The following DHRSX variants were observed in gnomAD, a reference collection of about 807,000 sequenced individuals.
DHRSX encodes polyprenol dehydrogenase.
In DHRSX, 31 loss-of-function variants were observed where a neutral mutation model predicts 34.0. The observed-to-expected ratio is 0.91, with a 90% CI of 0.69 to 1.23. The LOEUF (loss-of-function observed/expected upper bound fraction) is 1.23. Among genes scored for constraint, DHRSX ranks in the 50% most tolerant of loss-of-function variants. The pLI, the probability that DHRSX is intolerant of heterozygous loss-of-function variation, is 0.00. For missense variants in DHRSX, 414 were observed against 428.1 expected (o/e 0.97, Z 0.29); for synonymous variants, 201 against 183.8 (o/e 1.09, Z -0.76).
At chrX:2,405,045 T>A (rs960763227) in intron 3 of DHRSX, among the ~76,000 whole-genome samples, 1 of 152,178 alleles carries the variant, frequency 6.6e-6, no homozygotes, top group Non-Finnish European at 1.5e-5. Context: ...GATCCTGCAA[T>A]GCCGGCTATG....
intron 1 of DHRSX, chrX:2,488,577 C>T: frequency 1.3e-6 from 2 of 1,526,856 alleles, no homozygotes; most frequent in South Asian, 1.3e-5. Flanking sequence ...TAAGTATTTA[C>T]AGCAAAGCAT....
chrX:2,257,713 C>T (rs2041298248), intron 5 of DHRSX, among the ~76,000 whole-genome samples: 1 of 152,122 alleles, frequency 6.6e-6, no homozygotes, highest in South Asian at 2.1e-4. Flanking sequence ...GCAACCTCCG[C>T]CTCCCGGGTT....
rs142927188 is a variant in DHRSX at position 2,367,516 on chromosome X, G to C, written c.286+41229C>G. Among the ~76,000 whole-genome samples the C allele has an allele frequency of 6.4e-3, 969 of 151,450 alleles. 13 individuals are homozygous for C. The highest frequency in any genetic ancestry group is 0.023 in the African/African-American group (937 of 41,342). ...TTAGTTTTACATTGAAGCTTCATTT[G>C]GGAATTGAAAATAAGAACAGGGAAA... On this transcript the variant is annotated intron_variant, in intron 3 of 6. Coordinates refer to ENST00000334651, the MANE Select transcript of DHRSX (RefSeq NM_145177.3).
chrX:2,320,739 G>A (rs1320610344), intron 3 of DHRSX, among the ~76,000 whole-genome samples: 2 of 151,308 alleles, frequency 1.3e-5, no homozygotes, highest in Admixed American at 6.6e-5. Flanking sequence ...CAACAACATG[G>A]GTGAATGTGG....
At chrX:2,360,407 A>AC (rs1375776792) in intron 3 of DHRSX, among the ~76,000 whole-genome samples, 1 of 152,042 alleles carries the variant, frequency 6.6e-6, no homozygotes, top group South Asian at 2.1e-4. Context: ...ACATGGTGAA[A>AC]CCCTGTCTCT....
chrX:2,499,143 A>T (rs2045350859), intron 1 of DHRSX, among the ~76,000 whole-genome samples: 1 of 152,112 alleles, frequency 6.6e-6, no homozygotes, highest in Admixed American at 6.5e-5. Context: ...CAGTGGGTGC[A>T]GAGTGGAAGT....
intron 1 of DHRSX, among the ~76,000 whole-genome samples, chrX:2,431,545 T>C (rs2043922956): frequency 1.3e-5 from 2 of 152,056 alleles, no homozygotes; most frequent in Admixed American, 1.3e-4. Flanking sequence ...GAAGACATGG[T>C]GCATCTATAC....
intron 4 of DHRSX, among the ~76,000 whole-genome samples, chrX:2,276,865 AG>A (rs2041667548): frequency 2.3e-5 from 1 of 43,230 alleles, no homozygotes; most frequent in Non-Finnish European, 5.8e-5. Flanking sequence ...AACGAGAGGG[AG>A]AGAGAAGGAG....
intron 3 of DHRSX, among the ~76,000 whole-genome samples, chrX:2,337,525 A>G (rs1471107558): frequency 1.3e-5 from 2 of 152,058 alleles, no homozygotes; most frequent in African/African-American, 2.4e-5. Flanking sequence ...AACTTCAAGG[A>G]TGCGAATTTA....
intron 4 of DHRSX, among the ~76,000 whole-genome samples, chrX:2,276,131 C>T (rs1220180286): frequency 4.6e-5 from 7 of 152,186 alleles, no homozygotes; most frequent in East Asian, 1.9e-4. Flanking sequence ...CGTGGGCCAT[C>T]GCGCCCGGCC....
intron 2 of DHRSX, among the ~76,000 whole-genome samples, chrX:2,418,448 A>G (rs2043724438): frequency 6.6e-6 from 1 of 152,202 alleles, no homozygotes; most frequent in Non-Finnish European, 1.5e-5. Context: ...TCATGACCTA[A>G]ACCACCACAA....
Position 2,367,670 on chromosome X carries a change from A to G in DHRSX, c.286+41075T>C, listed in dbSNP as rs993698786. ...AATAACAAAATAATTGGAGAGGCGT[A>G]CCCAAGAGCACAATAGTCTCTGAAA... On this transcript the variant is annotated intron_variant, in intron 3 of 6. Transcript: ENST00000334651. Among the ~76,000 whole-genome samples, 22 of 152,304 alleles carry G rather than the reference A, an allele frequency of 1.4e-4. 1 individual carries two copies. The highest frequency in any genetic ancestry group is 1.2e-3 in the Admixed American group (19 of 15,298).
chrX:2,345,804 ATGGACTT>A (rs2042701214), intron 3 of DHRSX, among the ~76,000 whole-genome samples: 1 of 152,166 alleles, frequency 6.6e-6, no homozygotes, highest in Non-Finnish European at 1.5e-5. Context: ...CTGCCAACAG[ATGGACTT>A]TGGACTCCAA....
intron 2 of DHRSX, among the ~76,000 whole-genome samples, chrX:2,421,650 A>G (rs5939240): frequency 0.8 from 122,335 of 151,986 alleles, 49,801 homozygotes; most frequent in East Asian, 0.94. Flanking sequence ...TTTGTAAATG[A>G]AGATGAGAAA....
intron 3 of DHRSX, among the ~76,000 whole-genome samples, chrX:2,354,263 G>C (rs1347315615): frequency 1.3e-5 from 2 of 152,136 alleles, no homozygotes; most frequent in African/African-American, 4.8e-5. Context: ...CCCATCACTG[G>C]GCAGCTGTCC....
intron 1 of DHRSX, among the ~76,000 whole-genome samples, chrX:2,430,993 C>T (rs2043911756): frequency 6.6e-6 from 1 of 151,820 alleles, no homozygotes; most frequent in South Asian, 2.1e-4. Flanking sequence ...CCACTGCACT[C>T]CAGCCTGGGT....
At chrX:2,269,053 GTA>G (rs1041903298) in intron 4 of DHRSX, among the ~76,000 whole-genome samples, 3 of 152,096 alleles carry the variant, frequency 2.0e-5, no homozygotes, top group African/African-American at 4.8e-5. Flanking sequence ...TTCTGTATTT[GTA>G]TATATATGTG....
intron 1 of DHRSX, among the ~76,000 whole-genome samples, chrX:2,463,874 C>G (rs1304724495): frequency 6.6e-6 from 1 of 152,130 alleles, no homozygotes; most frequent in Non-Finnish European, 1.5e-5. Context: ...GCCAAGGGAT[C>G]GCCACCGAGT....
intron 1 of DHRSX, chrX:2,489,372 C>T (rs373175869): frequency 2.5e-6 from 4 of 1,613,840 alleles, no homozygotes; most frequent in Non-Finnish European, 3.4e-6. Flanking sequence ...TTGGCGATGA[C>T]CTCCTTGGCC....
Sources: gnomAD v4.1 joint callset for allele counts (sites outside exome capture counted in the v4.1 genomes callset) on GRCh38, gnomAD v4.1.1 for gene constraint, MANE v1.5 for transcripts, NCBI Gene and HGNC (gene_info 2026-07-23, HGNC 2026-07-21) for gene names.